Variants in IFT88 observed in about 807,000 individuals in gnomAD.
IFT88 encodes intraflagellar transport protein 88 homolog.
IFT88 carries 74 observed loss-of-function variants against 119.5 expected under a neutral mutation model. The ratio of observed to expected loss-of-function variants is 0.62; its 90% CI spans 0.51 to 0.75. IFT88 has a LOEUF of 0.75. Among genes scored for constraint, IFT88 ranks in the 30% least tolerant of loss-of-function variants. The pLI is 0.00. For synonymous variants in IFT88, 279 were observed against 316.7 expected, an observed-to-expected ratio of 0.88 and a Z score of 1.26; for missense variants, 961 against 977.7, an observed-to-expected ratio of 0.98 and a Z score of 0.23.
At chr13:20,589,226 T>C (rs2040244870) in intron 3 of IFT88, among the ~76,000 whole-genome samples, 1 of 152,238 alleles carries the variant, frequency 6.6e-6, no homozygotes, top group South Asian at 2.1e-4. Context: ...CAGTCCATCA[T>C]AGCTGAAAGT....
intron 2 of IFT88, among the ~76,000 whole-genome samples, chr13:20,578,732 A>G (rs2037967799): frequency 6.6e-6 from 1 of 152,102 alleles, no homozygotes; most frequent in African/African-American, 2.4e-5. Context: ...TATTTTTAGT[A>G]GAGATGAGGT....
At chr13:20,572,447 G>T (rs1050942539) in intron 1 of IFT88, among the ~76,000 whole-genome samples, 3 of 152,110 alleles carry the variant, frequency 2.0e-5, no homozygotes, top group Non-Finnish European at 4.4e-5. Flanking sequence ...TCAAACTCCT[G>T]ACCTCAAGTA....
intron 22 of IFT88, among the ~76,000 whole-genome samples, chr13:20,659,695 G>A (rs1364163154): frequency 2.0e-5 from 3 of 150,472 alleles, no homozygotes; most frequent in Admixed American, 6.6e-5. Flanking sequence ...CCAGGCTAGA[G>A]TGCAGTGGTG....
intron 2 of IFT88, among the ~76,000 whole-genome samples, chr13:20,576,620 G>A (rs1263486846): frequency 6.6e-6 from 1 of 151,302 alleles, no homozygotes; most frequent in Admixed American, 6.6e-5. Flanking sequence ...ATTTATTGAA[G>A]AGAATGTCTT....
At chr13:20,596,895 G>T (rs941855235) in intron 8 of IFT88, 120 bp from the exon 9 acceptor site, 1 of 565,386 alleles carries the variant, frequency 1.8e-6, no homozygotes, top group Non-Finnish European at 3.1e-6. Context: ...GCACACAGGG[G>T]TGTCTTGAGG....
intron 2 of IFT88, among the ~76,000 whole-genome samples, 192 bp from the exon 3 acceptor site, chr13:20,582,765 A>G (rs1490634407): frequency 2.6e-5 from 4 of 152,192 alleles, no homozygotes; most frequent in Non-Finnish European, 5.9e-5. Context: ...GGTACTCCTC[A>G]TTCTGGGAGA....
intron 24 of IFT88, among the ~76,000 whole-genome samples, chr13:20,686,368 G>A (rs1357034322): frequency 6.6e-6 from 1 of 152,164 alleles, no homozygotes; most frequent in Non-Finnish European, 1.5e-5. Context: ...ATGTGTTATA[G>A]GTATGACATC....
chr13:20,677,573 A>G (rs1293471543), intron 24 of IFT88, among the ~76,000 whole-genome samples: 3 of 152,196 alleles, frequency 2.0e-5, no homozygotes, highest in African/African-American at 7.2e-5. Context: ...TGCAAGTCAG[A>G]TTACAGAGCA....
intron 23 of IFT88, among the ~76,000 whole-genome samples, chr13:20,666,319 C>G (rs1339200922): frequency 6.6e-6 from 1 of 152,202 alleles, no homozygotes; most frequent in East Asian, 1.9e-4. Flanking sequence ...AATGATCCTG[C>G]ACTTGGATGT....
intron 14 of IFT88, among the ~76,000 whole-genome samples, chr13:20,620,385 T>C (rs955811826): frequency 1.3e-5 from 2 of 152,228 alleles, no homozygotes; most frequent in African/African-American, 4.8e-5. Context: ...TTATCTACTC[T>C]TGTCGTCAAA....
chr13:20,602,018 ACTT>A (rs1322164992), intron 12 of IFT88, 85 bp downstream of exon 12: 7 of 744,200 alleles, frequency 9.4e-6, no homozygotes, highest in Non-Finnish European at 1.6e-5. Flanking sequence ...AGAATAGATG[ACTT>A]CTTGGGTTTT....
At chr13:20,613,570 G>A (rs146804409) in intron 13 of IFT88, among the ~76,000 whole-genome samples, 5 of 152,130 alleles carry the variant, frequency 3.3e-5, no homozygotes, top group South Asian at 2.1e-4. Flanking sequence ...GCAATTTTAC[G>A]TCTAGATATT....
At chr13:20,644,723 C>A in intron 19 of IFT88, 120 bp from the exon 20 acceptor site, 1 of 559,468 alleles carries the variant, frequency 1.8e-6, no homozygotes, top group South Asian at 2.8e-5. Flanking sequence ...TAGGACAGTT[C>A]ATACTCCTTT....
At chr13:20,587,975 A>G (rs1411960103) in intron 3 of IFT88, among the ~76,000 whole-genome samples, 2 of 144,752 alleles carry the variant, frequency 1.4e-5, no homozygotes, top group Non-Finnish European at 3.0e-5. Context: ...ATTTCCTTTA[A>G]ATTTGCTATC....
intron 3 of IFT88, among the ~76,000 whole-genome samples, chr13:20,585,848 A>C (rs1028743598): frequency 7.2e-5 from 11 of 152,192 alleles, no homozygotes. Context: ...CCCATATTTT[A>C]ATTTTGAAGT....
rs897398212 is a variant in IFT88 at position 20,663,156 on chromosome 13, T to C, written c.2069-342T>C. ...TCTACACTTTTTAGCCTAGTCTCTCTTATAGCTCTTTATATGTATTTATGA... is the reference window on the plus strand; with the variant it reads ...TCTACACTTTTTAGCCTAGTCTCTCCTATAGCTCTTTATATGTATTTATGA... On this transcript the variant is annotated intron_variant, in intron 22 of 25. Coordinates refer to ENST00000351808, the MANE Select transcript of IFT88 (RefSeq NM_006531.5). 19 of 902,422 alleles carry C rather than the reference T, an allele frequency of 2.1e-5. 1 individual carries two copies. The South Asian group carries it at 3.1e-4, about 15-fold the overall frequency. 55.9% of individuals were successfully genotyped at this position (902,422 alleles called of 1,614,324 possible).
At chr13:20,664,525 A>C (rs2054332189) in intron 23 of IFT88, among the ~76,000 whole-genome samples, 1 of 152,196 alleles carries the variant, frequency 6.6e-6, no homozygotes, top group Non-Finnish European at 1.5e-5. Flanking sequence ...GGTGTGGACC[A>C]GCCCCTGGAA....
intron 14 of IFT88, among the ~76,000 whole-genome samples, chr13:20,616,167 T>C (rs886514552): frequency 6.6e-6 from 1 of 152,220 alleles, no homozygotes; most frequent in African/African-American, 2.4e-5. Context: ...GAAAAATTCC[T>C]ATCACTAGTG....
At chr13:20,599,712 C>G in intron 11 of IFT88, 147 bp downstream of exon 11, 1 of 544,916 alleles carries the variant, frequency 1.8e-6, no homozygotes, top group Non-Finnish European at 3.2e-6. Context: ...CTGTTCCCTT[C>G]TTACTACTTG....
Sources: allele counts gnomAD v4.1 joint callset (sites outside exome capture counted in the v4.1 genomes callset), GRCh38; gene constraint gnomAD v4.1.1; transcripts MANE v1.5; gene names NCBI Gene and HGNC (gene_info 2026-07-23, HGNC 2026-07-21).